Variants in THRB observed in about 807,000 individuals in gnomAD.
THRB encodes nuclear receptor subfamily 1 group A member 2.
A neutral mutation model predicts 47.8 loss-of-function variants in THRB; 12 were observed. The ratio of observed to expected loss-of-function variants is 0.25; its 90% CI spans 0.16 to 0.41. The LOEUF is 0.41. Among genes scored for constraint, THRB ranks in the 10% least tolerant of loss-of-function variants. The probability of loss-of-function intolerance (pLI) is 1.00; values close to 1 mark genes in which losing one functional copy is unlikely to be tolerated. For missense variants in THRB, 348 were observed against 589.2 expected, an observed-to-expected ratio of 0.59 and a Z score of 4.24; for synonymous variants, 218 against 212.2, an observed-to-expected ratio of 1.03 and a Z score of -0.24.
intron 6 of THRB, among the ~76,000 whole-genome samples, chr3:24,150,967 ACTGT>A (rs1197714849): frequency 1.3e-5 from 2 of 152,180 alleles, no homozygotes; most frequent in Non-Finnish European, 2.9e-5. Context: ...CTTTCAAGAG[ACTGT>A]CTGCAAGTCT....
chr3:24,162,534 C>A (rs1194375396), intron 5 of THRB, among the ~76,000 whole-genome samples: 6 of 152,082 alleles, frequency 3.9e-5, no homozygotes, highest in Non-Finnish European at 8.8e-5. Context: ...GCATTTTAGG[C>A]CTCCTCAATG....
intron 1 of THRB, among the ~76,000 whole-genome samples, chr3:24,396,166 T>C (rs575144713): frequency 2.8e-4 from 42 of 152,118 alleles, no homozygotes; most frequent in Non-Finnish European, 4.4e-4. Context: ...TATATATATA[T>C]AGGCATATAT....
intron 4 of THRB, among the ~76,000 whole-genome samples, chr3:24,224,067 G>T (rs1435768595): frequency 1.3e-5 from 2 of 152,140 alleles, no homozygotes; most frequent in East Asian, 3.8e-4. Flanking sequence ...ACTGCTGTTG[G>T]ATGTCTCAAT....
At chr3:24,216,080 G>A (rs1294421266) in intron 4 of THRB, among the ~76,000 whole-genome samples, 3 of 152,148 alleles carry the variant, frequency 2.0e-5, no homozygotes, top group Admixed American at 1.3e-4. Context: ...CAAATAGCTT[G>A]GCTATCTTTT....
At chr3:24,259,305 A>G (rs2051670721) in intron 3 of THRB, among the ~76,000 whole-genome samples, 2 of 152,280 alleles carry the variant, frequency 1.3e-5, no homozygotes, top group South Asian at 4.1e-4. Context: ...AAACAGGGAC[A>G]AGTTACACAT....
intron 2 of THRB, among the ~76,000 whole-genome samples, chr3:24,309,549 G>A (rs1406348699): frequency 6.6e-6 from 1 of 152,004 alleles, no homozygotes; most frequent in African/African-American, 2.4e-5. Context: ...CTTATTTCTG[G>A]TACACAGTTG....
intron 1 of THRB, among the ~76,000 whole-genome samples, chr3:24,434,330 C>T (rs999701553): frequency 2.6e-5 from 4 of 152,166 alleles, no homozygotes; most frequent in African/African-American, 9.6e-5. Flanking sequence ...GGTTGACTGG[C>T]CATCCTCACT....
chr3:24,145,964 TGATTA>T (rs1432652481), intron 7 of THRB, among the ~76,000 whole-genome samples: 3 of 152,336 alleles, frequency 2.0e-5, no homozygotes, highest in Admixed American at 1.3e-4. Context: ...CTTATTTTTA[TGATTA>T]GATTAATTAA....
At chr3:24,135,685 T>C (rs1417845405) in intron 8 of THRB, among the ~76,000 whole-genome samples, 2 of 151,954 alleles carry the variant, frequency 1.3e-5, no homozygotes, top group African/African-American at 4.8e-5. Context: ...CCTTCAGATA[T>C]CCCTGCTCTT....
intron 2 of THRB, among the ~76,000 whole-genome samples, chr3:24,306,319 C>A (rs1395578796): frequency 6.6e-6 from 1 of 152,172 alleles, no homozygotes; most frequent in African/African-American, 2.4e-5. Flanking sequence ...TTGCTTCAGA[C>A]CACCCACAGG....
intron 5 of THRB, chr3:24,165,600 C>G (rs1049549350): frequency 2.2e-6 from 1 of 446,274 alleles, no homozygotes; most frequent in Non-Finnish European, 4.0e-6. Flanking sequence ...CTTCTGCCAT[C>G]CAAACATATT....
At chr3:24,318,474 T>C (rs929451404) in intron 2 of THRB, 4 of 152,262 alleles carry the variant, frequency 2.6e-5, no homozygotes, top group African/African-American at 9.6e-5. Context: ...CAAGGACCTT[T>C]GCTATGAGCC....
chr3:24,269,429 A>C (rs2053066696), intron 3 of THRB, among the ~76,000 whole-genome samples: 2 of 147,494 alleles, frequency 1.4e-5, no homozygotes, highest in African/African-American at 2.7e-5. Flanking sequence ...ACACACACAC[A>C]CACACACACA....
At chr3:24,485,717 C>T (rs1446886596) in intron 1 of THRB, among the ~76,000 whole-genome samples, 2 of 152,166 alleles carry the variant, frequency 1.3e-5, no homozygotes, top group Non-Finnish European at 2.9e-5. Flanking sequence ...CCAAATGCTT[C>T]ATACTTTTAC....
chr3:24,312,017 T>C (rs1179906566), intron 2 of THRB, among the ~76,000 whole-genome samples: 1 of 152,230 alleles, frequency 6.6e-6, no homozygotes, highest in Non-Finnish European at 1.5e-5. Context: ...CCTGAACTTT[T>C]CTGGGTTCCA....
chr3:24,453,282 T>A (rs1352818861), intron 1 of THRB, among the ~76,000 whole-genome samples: 2 of 152,218 alleles, frequency 1.3e-5, no homozygotes, highest in African/African-American at 4.8e-5. Flanking sequence ...TCGATTTTCA[T>A]AACAACTTCA....
intron 1 of THRB, among the ~76,000 whole-genome samples, chr3:24,397,245 A>G (rs1046054739): frequency 6.6e-6 from 1 of 152,142 alleles, no homozygotes; most frequent in Non-Finnish European, 1.5e-5. Context: ...GGAAGATTAC[A>G]AACACTGGGT....
chr3:24,481,814 G>A (rs73152104), intron 1 of THRB, among the ~76,000 whole-genome samples: 5,799 of 148,970 alleles, frequency 0.039, 370 homozygotes, highest in African/African-American at 0.13. Context: ...GACTCCAAGG[G>A]ACAAAAGTTT....
chr3:24,261,777 A>G (rs1435373135), intron 3 of THRB, among the ~76,000 whole-genome samples: 1 of 152,152 alleles, frequency 6.6e-6, no homozygotes, highest in East Asian at 1.9e-4. Context: ...GCAACACTTG[A>G]TACAGCTAGC....
Sources: gnomAD v4.1 joint callset for allele counts (sites outside exome capture counted in the v4.1 genomes callset) on GRCh38, gnomAD v4.1.1 for gene constraint, MANE v1.5 for transcripts, NCBI Gene and HGNC (gene_info 2026-07-23, HGNC 2026-07-21) for gene names.